SYT16: variants seen among roughly 807,000 people sequenced by gnomAD.
The protein encoded by SYT16 is synaptotagmin-16.
SYT16 carries 42 observed loss-of-function variants against 61.4 expected under a neutral mutation model. That is an observed-to-expected ratio of 0.68 (90% CI 0.53 to 0.89). The LOEUF is 0.89. Among genes scored for constraint, SYT16 ranks in the 40% least tolerant of loss-of-function variants. The pLI, the probability that SYT16 is intolerant of heterozygous loss-of-function variation, is 0.00. For synonymous variants in SYT16, 314 were observed against 302.3 expected (o/e 1.04, Z -0.40); for missense variants, 804 against 807.3 (o/e 1.00, Z 0.05).
intron 3 of SYT16, among the ~76,000 whole-genome samples, chr14:62,007,906 G>C (rs1427369816): frequency 6.6e-6 from 1 of 151,516 alleles, no homozygotes; most frequent in East Asian, 1.9e-4. Flanking sequence ...GGAATCACTT[G>C]ATAATTTTTT....
rs146031100 is a variant in SYT16, at chr14:62,034,716, G to C, written c.524-34887G>C. On this transcript the variant is annotated intron_variant, in intron 3 of 7. Transcript: ENST00000683842. Reference sequence around the variant, plus strand: ...GAGGGGATGGGGGGATTCCAGGGGTGGGGGAGAATGGGTTGGTGACAGGTA... The same window carrying C: ...GAGGGGATGGGGGGATTCCAGGGGTCGGGGAGAATGGGTTGGTGACAGGTA... 2.5e-3 allele frequency among the ~76,000 whole-genome samples: 384 copies of C among 152,214 alleles called. 4 individuals are homozygous for C. The Middle Eastern group carries it at 0.041, about 16-fold the overall frequency.
chr14:62,098,557 G>A (rs2057337503), intron 7 of SYT16, among the ~76,000 whole-genome samples: 1 of 152,178 alleles, frequency 6.6e-6, no homozygotes, highest in Non-Finnish European at 1.5e-5. Context: ...GGGGTTCTAC[G>A]ATGAGGAGGT....
chr14:62,081,432 G>A (rs2056704233), intron 6 of SYT16, among the ~76,000 whole-genome samples, 158 bp downstream of exon 6: 1 of 152,144 alleles, frequency 6.6e-6, no homozygotes, highest in Admixed American at 6.5e-5. Context: ...TGCACTTCAT[G>A]GTACAATGGG....
chr14:61,847,860 G>A (rs1253999883), intron 1 of SYT16, among the ~76,000 whole-genome samples: 1 of 152,086 alleles, frequency 6.6e-6, no homozygotes, highest in Admixed American at 6.6e-5. Context: ...GCATTCTTCA[G>A]TATGTCAATT....
chr14:62,008,026 C>A (rs546108679), intron 3 of SYT16, among the ~76,000 whole-genome samples: 1 of 152,118 alleles, frequency 6.6e-6, no homozygotes, highest in African/African-American at 2.4e-5. Context: ...ACAGGAACTA[C>A]AAAATCAATA....
rs530100560 is a variant in SYT16 at position 62,017,557 on chromosome 14, A to C, written c.523+21015A>C. 5.9e-5 allele frequency among the ~76,000 whole-genome samples: 9 copies of C among 152,266 alleles called. No individual in the cohort carries two copies. In the East Asian group the frequency reaches 1.7e-3, roughly 29 times the overall value. On this transcript the variant is annotated intron_variant, in intron 3 of 7. Transcript: ENST00000683842. The stretch of plus-strand genomic sequence containing the variant: ...AGCAACTTCATTCTTCTAGTTTCTC[A>C]GTTTAAAAATCTTGGAGTTATTCAT...
chr14:61,958,533 G>A (rs776964610), intron 1 of SYT16, among the ~76,000 whole-genome samples: 3 of 151,542 alleles, frequency 2.0e-5, no homozygotes, highest in Non-Finnish European at 4.4e-5. Context: ...AATTATTTGC[G>A]TGTATTATTT....
At chr14:61,918,039 C>A (rs547713701) in intron 1 of SYT16, among the ~76,000 whole-genome samples, 16 of 152,180 alleles carry the variant, frequency 1.1e-4, no homozygotes, top group African/African-American at 3.9e-4. Flanking sequence ...TGTCGGTATT[C>A]AAAGAGTTTT....
chr14:62,011,875 A>ACACACACG (rs2053469846), intron 3 of SYT16, among the ~76,000 whole-genome samples: 2 of 89,842 alleles, frequency 2.2e-5, no homozygotes, highest in South Asian at 4.3e-4. Context: ...CACTATATAT[A>ACACACACG]CACACACACA....
intron 6 of SYT16, among the ~76,000 whole-genome samples, chr14:62,082,871 T>C (rs1438001949): frequency 1.3e-5 from 2 of 152,176 alleles, no homozygotes; most frequent in Non-Finnish European, 2.9e-5. Flanking sequence ...CATTCACCAG[T>C]TATTTGTTGA....
intron 1 of SYT16, among the ~76,000 whole-genome samples, chr14:61,918,477 A>G (rs1363526094): frequency 6.6e-6 from 1 of 152,122 alleles, no homozygotes; most frequent in Non-Finnish European, 1.5e-5. Context: ...CCAAATGTCC[A>G]GTGATGAGGG....
In SYT16 at chr14:62,075,312, T is replaced by G. The variant is rs187474581; in HGVS notation, c.914T>G (p.Leu305Trp). ...SLRRQSTEGS[L>W]EMETAFNSRG... Reference sequence around the variant, plus strand: ...AGGCGCCAATCCACAGAGGGCAGCTTGGAGATGGAGACAGCTTTTAATAGC... The same window carrying G: ...AGGCGCCAATCCACAGAGGGCAGCTGGGAGATGGAGACAGCTTTTAATAGC... Residue 305 changes from leucine (L) to tryptophan (W), a missense_variant, in exon 5 of 8, where the codon TTG becomes TGG. Coordinates refer to ENST00000683842, the MANE Select transcript of SYT16 (RefSeq NM_001367656.1). The G allele has an allele frequency of 1.1e-4, 179 of 1,613,800 alleles. No homozygotes were observed. In the African/African-American group the frequency reaches 2.1e-3, roughly 19 times the overall value.
chr14:62,084,046 C>T, intron 6 of SYT16, 150 bp from the exon 7 acceptor site: 1 of 800,774 alleles, frequency 1.2e-6, no homozygotes, highest in Non-Finnish European at 1.9e-6. Flanking sequence ...GCTCCCTGGG[C>T]CCATTGTAAT....
At chr14:61,885,626 T>A (rs2047869935) in intron 1 of SYT16, among the ~76,000 whole-genome samples, 1 of 152,218 alleles carries the variant, frequency 6.6e-6, no homozygotes, top group Non-Finnish European at 1.5e-5. Context: ...TTGATAGATA[T>A]TATTTCTATT....
chr14:61,956,816 AT>A (rs35480135), intron 1 of SYT16, among the ~76,000 whole-genome samples: 7,675 of 149,092 alleles, frequency 0.051, 625 homozygotes, highest in African/African-American at 0.17. Flanking sequence ...AAGCTTTAGG[AT>A]TTTTTTTTTC....
At chr14:62,004,697 T>C (rs1447173464) in intron 3 of SYT16, among the ~76,000 whole-genome samples, 1 of 152,218 alleles carries the variant, frequency 6.6e-6, no homozygotes, top group Non-Finnish European at 1.5e-5. Flanking sequence ...GAAGAGTCTG[T>C]GACATGGTTC....
intron 1 of SYT16, among the ~76,000 whole-genome samples, chr14:61,900,004 A>G (rs939589073): frequency 6.6e-6 from 1 of 152,208 alleles, no homozygotes; most frequent in African/African-American, 2.4e-5. Context: ...CTGTTATCAC[A>G]TATCACACAC....
At chr14:61,858,088 C>T (rs2046831912) in intron 1 of SYT16, among the ~76,000 whole-genome samples, 1 of 109,434 alleles carries the variant, frequency 9.1e-6, no homozygotes, top group African/African-American at 3.6e-5. Flanking sequence ...ATTGTGTTCA[C>T]TTACAATTCC....
At chr14:62,033,690 A>G (rs1453033007) in intron 3 of SYT16, among the ~76,000 whole-genome samples, 2 of 71,542 alleles carry the variant, frequency 2.8e-5, no homozygotes, top group Non-Finnish European at 5.8e-5. Context: ...CAGCCTTCTC[A>G]TATCATACAC....
Sources: allele counts gnomAD v4.1 joint callset (sites outside exome capture counted in the v4.1 genomes callset), GRCh38; gene constraint gnomAD v4.1.1; transcripts MANE v1.5; gene names NCBI Gene and HGNC (gene_info 2026-07-23, HGNC 2026-07-21).